Variants in TGM5 observed in about 807,000 individuals in gnomAD.
TGM5 encodes the protein protein-glutamine gamma-glutamyltransferase 5.
A neutral mutation model predicts 77.2 loss-of-function variants in TGM5; 69 were observed. That is an observed-to-expected ratio of 0.89 (90% CI 0.74 to 1.09). The LOEUF is 1.09. Ranked by LOEUF, TGM5 falls within the 50% of genes least tolerant of loss-of-function variation. The pLI is 0.00. For missense variants in TGM5, 842 were observed against 896.5 expected (o/e 0.94, Z 0.78); for synonymous variants, 346 against 351.8 (o/e 0.98, Z 0.18).
chr15:43,236,408 G>A (rs771190999), intron 9 of TGM5, among the ~76,000 whole-genome samples: 3 of 152,206 alleles, frequency 2.0e-5, no homozygotes, highest in East Asian at 1.9e-4. Flanking sequence ...AGGTCTAGGC[G>A]TGCAGAGTTC....
chr15:43,256,722 G>T (rs747515167), intron 3 of TGM5, 36 bp from the exon 4 acceptor site: 2 of 1,469,076 alleles, frequency 1.4e-6, no homozygotes, highest in Non-Finnish European at 1.9e-6. Flanking sequence ...AAGCAGAAAA[G>T]TCACCTTTCC....
At chr15:43,261,087 T>TG (rs1566837505) in intron 1 of TGM5, among the ~76,000 whole-genome samples, 26 of 119,446 alleles carry the variant, frequency 2.2e-4, no homozygotes, top group African/African-American at 3.5e-4. Flanking sequence ...TTTTTTTTTT[T>TG]TTTTTTTTTT....
chr15:43,237,959 C>G (rs1322345717), intron 9 of TGM5, among the ~76,000 whole-genome samples: 4 of 152,214 alleles, frequency 2.6e-5, no homozygotes, highest in African/African-American at 4.8e-5. Context: ...AAGATGAGGC[C>G]GGAGGCCCCA....
At position 43,232,622 on chromosome 15, in the gene TGM5, C is replaced by T. The variant is rs1441194230; in HGVS notation, c.*569G>A. ...GAGCAAGGTCTGAAGTTTATTCATA[C>T]TAGGGAATTAGCTTTCGCAACAACA... On this transcript the variant is annotated 3_prime_UTR_variant, in exon 13 of 13. Coordinates refer to ENST00000220420, the MANE Select transcript of TGM5 (RefSeq NM_201631.4). 6.3e-6 allele frequency: 1 copy of T among 159,212 alleles called. No individual in the cohort carries two copies. The highest frequency in any genetic ancestry group is 1.4e-5 in the Non-Finnish European group (1 of 71,988). 9.9% of individuals were successfully genotyped at this position (159,212 alleles called of 1,614,324 possible). A position where few individuals can be genotyped will look rare whatever the true frequency, so the allele number is the denominator to read the frequency against.
At chr15:43,250,591 C>T (rs1478265642) in intron 6 of TGM5, among the ~76,000 whole-genome samples, 1 of 152,160 alleles carries the variant, frequency 6.6e-6, no homozygotes, top group Non-Finnish European at 1.5e-5. Flanking sequence ...TTTCAAAAAA[C>T]ATGCTTTGGG....
In TGM5 at chr15:43,259,961, C is replaced by G. The variant is rs1288131713; in HGVS notation, c.436+91G>C. On this transcript the variant is annotated intron_variant, in intron 3 of 12. Transcript: ENST00000220420. ...GGGAATTGAGGAGGCTCTGGGTGGC[C>G]CGGGAGCGGGGTCTAGAAACCCTTG... 5 of 1,597,054 alleles carry G rather than the reference C, an allele frequency of 3.1e-6. No individual in the cohort carries two copies. In the Admixed American group the frequency reaches 6.7e-5, roughly 21 times the overall value.
chr15:43,260,514 T>A lies in TGM5; in HGVS notation c.76A>T (p.Ile26Phe). ...RNNVRHHTEE[I>F]TVDHLLVRRG... is the part of the protein sequence containing the mutation. ...CGAACAAGCAGGTGGTCCACAGTGA[T>A]CTCCTCCGTGTGGTGCCGCACATTA... The change falls in exon 2 of 13, where the codon ATC (isoleucine) becomes TTC (phenylalanine). Residue 26 changes from isoleucine to phenylalanine, a missense_variant. This residue lies in a region of TGM5 where 815 missense variants were observed against 844.6 expected (regional missense o/e 0.96). Transcript: ENST00000220420. The A allele has an allele frequency of 6.2e-7, 1 of 1,614,114 alleles. No homozygotes were observed. The highest frequency in any genetic ancestry group is 8.5e-7 in the Non-Finnish European group (1 of 1,180,022).
At chr15:43,242,412 T>G (rs1326317011) in intron 6 of TGM5, among the ~76,000 whole-genome samples, 1 of 152,204 alleles carries the variant, frequency 6.6e-6, no homozygotes, top group African/African-American at 2.4e-5. Flanking sequence ...ATTTTCCCCC[T>G]GTTGTAAATA....
At chr15:43,254,249 C>G (rs2042728250) in intron 4 of TGM5, among the ~76,000 whole-genome samples, 1 of 152,194 alleles carries the variant, frequency 6.6e-6, no homozygotes. Flanking sequence ...TGGGTATGTG[C>G]CCTCTCCGCG....
At chr15:43,241,559 C>A (rs2042636347) in intron 6 of TGM5, among the ~76,000 whole-genome samples, 1 of 152,158 alleles carries the variant, frequency 6.6e-6, no homozygotes, top group Non-Finnish European at 1.5e-5. Flanking sequence ...GAGTTTCTAC[C>A]TGGTAGAGAA....
In TGM5 at chr15:43,240,945, T is replaced by G; in HGVS notation, c.908A>C (p.Asp303Ala). The stretch of plus-strand genomic sequence containing the variant: ...GTTTCCATCTGTATCGTGGCCAGAG[T>G]CGAAGTTGGTGATCACACGGGTAGG... Reference protein sequence around the residue: ...GIPTRVITNFDSGHDTDGNLI... With the variant: ...GIPTRVITNFASGHDTDGNLI... Residue 303 changes from aspartate to alanine, a missense_variant, in exon 7 of 13, where the codon GAC (aspartate) becomes GCC (alanine). Asp to Ala is a moderately radical substitution (Grantham distance 126). This residue lies in a region of TGM5 where 815 missense variants were observed against 844.6 expected (regional missense o/e 0.96). Coordinates refer to ENST00000220420, the MANE Select transcript of TGM5 (RefSeq NM_201631.4). The G allele has an allele frequency of 6.2e-7, 1 of 1,614,042 alleles. No homozygotes were observed. The highest frequency in any genetic ancestry group is 8.5e-7 in the Non-Finnish European group (1 of 1,180,002).
At chr15:43,261,085 T>TTTG (rs2042785408) in intron 1 of TGM5, among the ~76,000 whole-genome samples, 2 of 119,200 alleles carry the variant, frequency 1.7e-5, no homozygotes, top group Non-Finnish European at 3.4e-5. Flanking sequence ...TGTTTTTTTT[T>TTTG]TTTTTTTTTT....
chr15:43,260,538 T>C lies in TGM5; in HGVS notation c.52A>G (p.Asn18Asp), dbSNP rs755308422. The C allele has an allele frequency of 1.2e-6, 2 of 1,614,072 alleles. No homozygotes were observed. The highest frequency in any genetic ancestry group is 2.2e-5 in the South Asian group (2 of 91,078). ...ALTDLQSSRN[N>D]VRHHTEEITV... ...ATCTCCTCCGTGTGGTGCCGCACAT[T>C]ATTTCTGGAGCTCTGGAGGTCTGTG... The change falls in exon 2 of 13, where the codon AAT becomes GAT. Residue 18 changes from asparagine (N) to aspartate (D), a missense_variant. This residue lies in a region of TGM5 where 815 missense variants were observed against 844.6 expected (regional missense o/e 0.96). Coordinates refer to ENST00000220420, the MANE Select transcript of TGM5 (RefSeq NM_201631.4).
intron 1 of TGM5, 24 bp downstream of exon 1, chr15:43,266,816 A>ACCTT: frequency 6.2e-7 from 1 of 1,613,864 alleles, no homozygotes; most frequent in Non-Finnish European, 8.5e-7. Context: ...CCTGAACTCC[A>ACCTT]GTGGCCACAG....
At chr15:43,257,442 AG>A (rs2042750205) in intron 3 of TGM5, among the ~76,000 whole-genome samples, 1 of 152,190 alleles carries the variant, frequency 6.6e-6, no homozygotes, top group African/African-American at 2.4e-5. Context: ...ATATGAACAG[AG>A]GGTTTTGAAG....
chr15:43,252,158 A>G (rs1277284366), intron 6 of TGM5, among the ~76,000 whole-genome samples: 1 of 152,210 alleles, frequency 6.6e-6, no homozygotes, highest in African/African-American at 2.4e-5. Context: ...GAACCTAGAC[A>G]GTTCCCAGCC....
At position 43,239,218 on chromosome 15, in the gene TGM5, G is replaced by C; in HGVS notation, c.1050C>G (p.Pro350=). Residue 350 remains proline, a synonymous_variant, in exon 8 of 13, where the codon CCC becomes CCG. Coordinates refer to ENST00000220420, the MANE Select transcript of TGM5 (RefSeq NM_201631.4). ...NECWMARKDL[P]PAYGGWQVLD... ...GCACCTGCCAGCCTCCATATGCAGG[G>C]GGCAGATCCTTCCGGGCCATCCAGC... is the stretch of plus-strand genomic sequence containing the variant. The C allele has an allele frequency of 6.2e-7, 1 of 1,614,134 alleles. No individual in the cohort carries two copies. The highest frequency in any genetic ancestry group is 8.5e-7 in the Non-Finnish European group (1 of 1,180,016).
intron 6 of TGM5, among the ~76,000 whole-genome samples, chr15:43,245,921 C>T (rs1448358495): frequency 1.3e-5 from 2 of 149,422 alleles, no homozygotes; most frequent in Non-Finnish European, 3.0e-5. Flanking sequence ...TCTTAAATGG[C>T]AAAAAAGGCC....
rs1209899924 is a variant in TGM5, at chr15:43,233,690, A to G, written c.1876-3T>C. 6.2e-7 allele frequency: 1 copy of G among 1,614,078 alleles called. No individual in the cohort carries two copies. The highest frequency in any genetic ancestry group is 8.5e-7 in the Non-Finnish European group (1 of 1,179,998). ...TTCACAACGGCTGCTCCTAGAACCTAAACAGACCAGGAGGGGAAGGAGAAT... is the reference window on the plus strand; with the variant it reads ...TTCACAACGGCTGCTCCTAGAACCTGAACAGACCAGGAGGGGAAGGAGAAT... On this transcript the variant is annotated splice_polypyrimidine_tract_variant and splice_region_variant and intron_variant, in intron 11 of 12. Coordinates refer to ENST00000220420, the MANE Select transcript of TGM5 (RefSeq NM_201631.4).
Sources: gnomAD v4.1 joint callset for allele counts (sites outside exome capture counted in the v4.1 genomes callset) on GRCh38, gnomAD v4.1.1 for gene constraint, gnomAD v4.1.1 regional missense constraint, MANE v1.5 for transcripts, NCBI Gene and HGNC (gene_info 2026-07-23, HGNC 2026-07-21) for gene names.